The following TNKS variants were observed in gnomAD, a reference collection of about 807,000 sequenced individuals.
The protein encoded by TNKS is poly [ADP-ribose] polymerase tankyrase-1.
In TNKS, 72 loss-of-function variants were observed where a neutral mutation model predicts 135.8. The observed-to-expected ratio is 0.53, with a 90% CI of 0.44 to 0.64. The LOEUF (loss-of-function observed/expected upper bound fraction) is 0.64. Ranked by LOEUF, TNKS falls within the 30% of genes least tolerant of loss-of-function variation. TNKS has a pLI of 0.00. For synonymous variants in TNKS, 849 were observed against 649.3 expected, an observed-to-expected ratio of 1.31 and a Z score of -4.68; for missense variants, 1,769 against 1,674.0, an observed-to-expected ratio of 1.06 and a Z score of -0.99.
chr8:9,657,399 A>G (rs1171276101), intron 3 of TNKS, among the ~76,000 whole-genome samples: 4 of 66,268 alleles, frequency 6.0e-5, no homozygotes, highest in Admixed American at 1.3e-4. Context: ...CTCACCTCCC[A>G]GACGGGGCGG....
At chr8:9,576,347 G>C (rs1288826141) in intron 1 of TNKS, among the ~76,000 whole-genome samples, 2 of 152,068 alleles carry the variant, frequency 1.3e-5, no homozygotes, top group African/African-American at 4.8e-5. Flanking sequence ...AGGCTGTACA[G>C]GAAACATGGG....
intron 15 of TNKS, among the ~76,000 whole-genome samples, chr8:9,734,253 C>T (rs537544679): frequency 2.6e-5 from 4 of 152,154 alleles, no homozygotes; most frequent in Non-Finnish European, 5.9e-5. Flanking sequence ...GAGCCCATGA[C>T]AGTCTGTGGC....
At position 9,782,031 on chromosome 8, in the gene TNKS, T is replaced by G. The variant is rs533856500; in HGVS notation, c.*5295T>G. 6.6e-6 allele frequency: 1 copy of G among 152,314 alleles called. No individual in the cohort carries two copies. The highest frequency in any genetic ancestry group is 1.9e-4 in the East Asian group (1 of 5,206). 9.4% of individuals were successfully genotyped at this position (152,314 alleles called of 1,614,324 possible). The stretch of plus-strand genomic sequence containing the variant: ...TTCATTATTTGTCTGAAATTCAAAT[T>G]TAACTGAGCATGCTGGTTTTTCTCA... On this transcript the variant is annotated 3_prime_UTR_variant, in exon 27 of 27. Coordinates refer to ENST00000310430, the MANE Select transcript of TNKS (RefSeq NM_003747.3).
chr8:9,559,675 C>T (rs1255556899), intron 1 of TNKS, among the ~76,000 whole-genome samples: 1 of 152,136 alleles, frequency 6.6e-6, no homozygotes, highest in African/African-American at 2.4e-5. Flanking sequence ...CAAGGTTTAG[C>T]TCCCACTTAC....
rs537307319 is a variant in TNKS, at chr8:9,747,264, C to T, written c.2644-760C>T. ...CTTCCAGATTCCCCCCTCCTTCCCC[C>T]CCTCAAAAAAATGTAGTCATCTTTG... On this transcript the variant is annotated intron_variant, in intron 17 of 26. Coordinates refer to ENST00000310430, the MANE Select transcript of TNKS (RefSeq NM_003747.3). Among the ~76,000 whole-genome samples, 11 of 141,680 alleles carry T rather than the reference C, an allele frequency of 7.8e-5. No individual in the cohort carries two copies. The South Asian group carries it at 2.8e-3, about 36-fold the overall frequency. The allele number at this position is 141,680 out of a possible 152,430, so 92.9% of individuals were successfully genotyped here.
At chr8:9,726,091 G>A (rs1484227841) in intron 12 of TNKS, among the ~76,000 whole-genome samples, 1 of 152,134 alleles carries the variant, frequency 6.6e-6, no homozygotes, top group Non-Finnish European at 1.5e-5. Flanking sequence ...AGTACATTGA[G>A]ACTAAAAGAA....
intron 2 of TNKS, among the ~76,000 whole-genome samples, chr8:9,596,319 T>C (rs929812267): frequency 6.6e-6 from 1 of 152,170 alleles, no homozygotes; most frequent in Non-Finnish European, 1.5e-5. Flanking sequence ...ACAGTTTTAA[T>C]ACTGAAATGT....
intron 2 of TNKS, among the ~76,000 whole-genome samples, chr8:9,584,072 G>A (rs1293280938): frequency 1.3e-5 from 2 of 151,038 alleles, no homozygotes; most frequent in African/African-American, 4.9e-5. Flanking sequence ...GCTGAGGCAG[G>A]AGAATGGCGT....
chr8:9,572,233 A>G (rs1172934845), intron 1 of TNKS, among the ~76,000 whole-genome samples: 1 of 152,224 alleles, frequency 6.6e-6, no homozygotes, highest in Non-Finnish European at 1.5e-5. Context: ...AGTTAGCTAT[A>G]TATGAAATTA....
At chr8:9,710,076 G>C (rs780866091) in intron 10 of TNKS, 30 bp downstream of exon 10, 2 of 1,611,582 alleles carry the variant, frequency 1.2e-6, no homozygotes, top group Non-Finnish European at 1.7e-6. Flanking sequence ...GAGTTGTTCA[G>C]TTCCTAAAGA....
chr8:9,633,667 G>C (rs938877086), intron 3 of TNKS, among the ~76,000 whole-genome samples: 1 of 152,176 alleles, frequency 6.6e-6, no homozygotes, highest in Non-Finnish European at 1.5e-5. Context: ...TGGCTTTTAT[G>C]TTGGGCTGTT....
chr8:9,616,811 A>G (rs1799662071), intron 3 of TNKS, among the ~76,000 whole-genome samples: 2 of 152,200 alleles, frequency 1.3e-5, no homozygotes, highest in African/African-American at 2.4e-5. Flanking sequence ...AAATTAGTGT[A>G]GATAAGAAAT....
At chr8:9,567,682 G>T (rs1482856940) in intron 1 of TNKS, among the ~76,000 whole-genome samples, 1 of 152,202 alleles carries the variant, frequency 6.6e-6, no homozygotes, top group Non-Finnish European at 1.5e-5. Context: ...CTCCCAAAGT[G>T]GTGGGATTAC....
intron 25 of TNKS, among the ~76,000 whole-genome samples, chr8:9,768,269 A>G (rs1807588074): frequency 6.6e-6 from 1 of 152,214 alleles, no homozygotes. Flanking sequence ...GAGGTGGAGA[A>G]GACAGCAGAG....
At chr8:9,581,932 C>A (rs1270227677) in intron 2 of TNKS, among the ~76,000 whole-genome samples, 1 of 152,152 alleles carries the variant, frequency 6.6e-6, no homozygotes, top group Non-Finnish European at 1.5e-5. Context: ...ATGAATGGAT[C>A]CCTGCAGCAC....
At chr8:9,622,435 C>T (rs887060931) in intron 3 of TNKS, among the ~76,000 whole-genome samples, 1 of 152,152 alleles carries the variant, frequency 6.6e-6, no homozygotes, top group Admixed American at 6.5e-5. Context: ...CACAATGAAG[C>T]TGTGAAGTAG....
chr8:9,567,130 A>G (rs568899692), intron 1 of TNKS, among the ~76,000 whole-genome samples: 98 of 152,342 alleles, frequency 6.4e-4, no homozygotes, highest in African/African-American at 9.4e-4. Flanking sequence ...ACGTAACTTT[A>G]CAAATTTTGG....
At chr8:9,657,496 C>T (rs1240694366) in intron 3 of TNKS, among the ~76,000 whole-genome samples, 14 of 83,946 alleles carry the variant, frequency 1.7e-4, no homozygotes, top group African/African-American at 4.6e-4. Context: ...ACCTCCCTCC[C>T]GGACGGGGCG....
chr8:9,718,769 C>G (rs530780615), intron 11 of TNKS, among the ~76,000 whole-genome samples: 1 of 152,146 alleles, frequency 6.6e-6, no homozygotes, highest in Non-Finnish European at 1.5e-5. Context: ...CATTTAATTA[C>G]CACAGTTGAG....
Sources: gnomAD v4.1 joint callset for allele counts (sites outside exome capture counted in the v4.1 genomes callset) on GRCh38, gnomAD v4.1.1 for gene constraint, MANE v1.5 for transcripts, NCBI Gene and HGNC (gene_info 2026-07-23, HGNC 2026-07-21) for gene names.